The following RTF1 variants were observed in gnomAD, a reference collection of about 807,000 sequenced individuals.
The protein encoded by RTF1 is RTF1 homolog, Paf1/RNA polymerase II complex component, also known as RNA polymerase-associated protein RTF1 homolog.
RTF1 carries 10 observed loss-of-function variants against 95.7 expected under a neutral mutation model. That is an observed-to-expected ratio of 0.10 (90% CI 0.06 to 0.18). The LOEUF is 0.18. RTF1 is among the 10% of genes least tolerant of loss of function. The pLI, the probability that RTF1 is intolerant of heterozygous loss-of-function variation, is 1.00. For synonymous variants in RTF1, 305 were observed against 311.8 expected, an observed-to-expected ratio of 0.98 and a Z score of 0.23; for missense variants, 458 against 875.6, an observed-to-expected ratio of 0.52 and a Z score of 6.02.
At position 41,471,432 on chromosome 15, in the gene RTF1, G is replaced by T. The variant is rs114847037; in HGVS notation, c.1203+83G>T. The T allele has an allele frequency of 2.5e-4, 338 of 1,376,526 alleles. No homozygotes were observed. The African/African-American group carries it at 4.5e-3, about 18-fold the overall frequency. 85.3% of individuals were successfully genotyped at this position (1,376,526 alleles called of 1,614,324 possible). A position where few individuals can be genotyped will look rare whatever the true frequency, so the allele number is the denominator to read the frequency against. The stretch of plus-strand genomic sequence containing the variant: ...GAGGGCAGGAGCTACTGAAAAAATC[G>T]ATCACTCTTCTCTCAGCATTTGATG... On this transcript the variant is annotated intron_variant, in intron 8 of 17. Coordinates refer to ENST00000389629, the MANE Select transcript of RTF1 (RefSeq NM_015138.5).
intron 8 of RTF1, among the ~76,000 whole-genome samples, chr15:41,472,931 A>G (rs188399660): frequency 0.03 from 4,578 of 150,474 alleles, 250 homozygotes; most frequent in African/African-American, 0.11. Flanking sequence ...TTGATCTCCT[A>G]ACCTCGTGAT....
intron 5 of RTF1, among the ~76,000 whole-genome samples, chr15:41,465,320 G>T (rs2050875372): frequency 6.6e-6 from 1 of 152,002 alleles, no homozygotes; most frequent in Non-Finnish European, 1.5e-5. Flanking sequence ...ATATGCTACC[G>T]TGCCCGGCTT....
chr15:41,463,370 T>C (rs1420399402), intron 4 of RTF1, among the ~76,000 whole-genome samples: 1 of 152,206 alleles, frequency 6.6e-6, no homozygotes, highest in East Asian at 1.9e-4. Context: ...GTACGGTAAC[T>C]CTTTCTAACT....
chr15:41,477,377 C>T, intron 13 of RTF1, 81 bp from the exon 14 acceptor site: 1 of 1,612,894 alleles, frequency 6.2e-7, no homozygotes, highest in Non-Finnish European at 8.5e-7. Flanking sequence ...GCACTGACCC[C>T]ATAGATATCT....
chr15:41,447,971 C>A (rs1681436352), intron 2 of RTF1, among the ~76,000 whole-genome samples: 1 of 152,124 alleles, frequency 6.6e-6, no homozygotes, highest in Admixed American at 6.6e-5. Context: ...TTCTTTAGAT[C>A]CCATTTACTA....
chr15:41,427,161 T>C (rs1188989128), intron 1 of RTF1, among the ~76,000 whole-genome samples: 2 of 135,530 alleles, frequency 1.5e-5, no homozygotes, highest in East Asian at 4.5e-4. Context: ...TTTTTTTTTT[T>C]TTTTTTTTGA....
At chr15:41,475,140 C>G (rs2050936196) in intron 9 of RTF1, among the ~76,000 whole-genome samples, 1 of 152,186 alleles carries the variant, frequency 6.6e-6, no homozygotes. Flanking sequence ...GTGCCAGGCA[C>G]TGCTCTAGGT....
At chr15:41,430,028 G>A (rs112151876) in intron 1 of RTF1, among the ~76,000 whole-genome samples, 1 of 122,616 alleles carries the variant, frequency 8.2e-6, no homozygotes, top group East Asian at 2.9e-4. Context: ...TTTTTTTTGA[G>A]ACAGAGTCTT....
rs943260933 is a variant in RTF1, at chr15:41,441,204, C to T, written c.309+2773C>T. On this transcript the variant is annotated intron_variant, in intron 2 of 17. Coordinates refer to ENST00000389629, the MANE Select transcript of RTF1 (RefSeq NM_015138.5). ...GCCAGGATGGTCTCTATCTCCTGAC[C>T]TTGTGATCCGCCCGCCTCGGCCTCC... Among the ~76,000 whole-genome samples, 3 of 151,958 alleles carry T rather than the reference C, an allele frequency of 2.0e-5. No individual in the cohort carries two copies. In the South Asian group the frequency reaches 6.2e-4, roughly 32 times the overall value.
chr15:41,430,713 T>C (rs1175094755), intron 1 of RTF1, among the ~76,000 whole-genome samples: 2 of 151,720 alleles, frequency 1.3e-5, no homozygotes, highest in Non-Finnish European at 2.9e-5. Context: ...TGCACTCTTG[T>C]CTAGGCGACA....
intron 2 of RTF1, among the ~76,000 whole-genome samples, chr15:41,444,067 CA>C (rs1037701141): frequency 4.2e-4 from 56 of 132,904 alleles, no homozygotes; most frequent in Non-Finnish European, 8.2e-4. Context: ...GACTCCATCT[CA>C]AAAAAAAACA....
At chr15:41,460,203 A>G (rs1325924079) in intron 4 of RTF1, among the ~76,000 whole-genome samples, 2 of 149,966 alleles carry the variant, frequency 1.3e-5, no homozygotes, top group East Asian at 1.9e-4. Context: ...GCTCACTGCA[A>G]CCTCCACTTC....
chr15:41,445,881 G>A (rs987424954), intron 2 of RTF1, among the ~76,000 whole-genome samples: 12 of 151,880 alleles, frequency 7.9e-5, no homozygotes, highest in African/African-American at 2.7e-4. Context: ...GATTACAGGC[G>A]CATGCTACCA....
At chr15:41,419,605 ATTAAAAGGAT>A (rs956828366) in intron 1 of RTF1, among the ~76,000 whole-genome samples, 3 of 152,194 alleles carry the variant, frequency 2.0e-5, no homozygotes, top group African/African-American at 7.2e-5. Context: ...TGGTACATAC[ATTAAAAGGAT>A]TATTTGGGGG....
Position 41,468,521 on chromosome 15 carries a change from G to T in RTF1, c.890-1736G>T, listed in dbSNP as rs888047042. On this transcript the variant is annotated intron_variant, in intron 6 of 17. Transcript: ENST00000389629. ...TTTAGTAGAGAAGGGGTTTCACCAT[G>T]TTAGCCAGGATGGTCTTGATCTCCT... 5.1e-4 allele frequency among the ~76,000 whole-genome samples: 78 copies of T among 152,050 alleles called. 1 individual carries two copies. The highest frequency in any genetic ancestry group is 1.3e-4 in the Non-Finnish European group (9 of 68,002).
chr15:41,470,819 C>A (rs550015531), intron 7 of RTF1, among the ~76,000 whole-genome samples: 1 of 151,874 alleles, frequency 6.6e-6, no homozygotes, highest in African/African-American at 2.4e-5. Flanking sequence ...CCACTACGCC[C>A]GGCTAATTTT....
chr15:41,417,999 T>A (rs986674703), intron 1 of RTF1, among the ~76,000 whole-genome samples: 2 of 151,780 alleles, frequency 1.3e-5, no homozygotes, highest in African/African-American at 2.4e-5. Context: ...TAGGGCGACA[T>A]GGAGGGACTG....
chr15:41,444,476 A>G (rs1017268089), intron 2 of RTF1, among the ~76,000 whole-genome samples: 4 of 151,752 alleles, frequency 2.6e-5, no homozygotes, highest in Middle Eastern at 3.4e-3. Context: ...TGTACTTTTA[A>G]TAGAGATGGG....
At position 41,475,529 on chromosome 15, in the gene RTF1, G is replaced by T; in HGVS notation, c.1291G>T (p.Gly431Cys). 1 of 1,613,780 alleles carries T rather than the reference G, an allele frequency of 6.2e-7. No homozygotes were observed. The highest frequency in any genetic ancestry group is 1.1e-5 in the South Asian group (1 of 91,032). Residue 431 changes from glycine (G) to cysteine (C), a missense_variant, in exon 10 of 18, where the codon GGC (glycine) becomes TGC (cysteine). Gly to Cys is a radical substitution (Grantham distance 159). Coordinates refer to ENST00000389629, the MANE Select transcript of RTF1 (RefSeq NM_015138.5). ...RTNKGLQLRH[G>C]NDQRVFRLEF... Reference sequence around the variant, plus strand: ...TGCTGTCTCTCTTTTATGTAGGCATGGCAATGACCAACGCGTGTTCCGTTT... The same window carrying T: ...TGCTGTCTCTCTTTTATGTAGGCATTGCAATGACCAACGCGTGTTCCGTTT...
Sources: allele counts gnomAD v4.1 joint callset (sites outside exome capture counted in the v4.1 genomes callset), GRCh38; gene constraint gnomAD v4.1.1; transcripts MANE v1.5; gene names NCBI Gene and HGNC (gene_info 2026-07-23, HGNC 2026-07-21).